The following PCDHGA11 variants were observed in gnomAD, a reference collection of about 807,000 sequenced individuals.
PCDHGA11 encodes the protein protocadherin gamma subfamily A, 11.
In PCDHGA11, 39 loss-of-function variants were observed where a neutral mutation model predicts 60.4. The ratio of observed to expected loss-of-function variants is 0.65; its 90% CI spans 0.50 to 0.84. The LOEUF (loss-of-function observed/expected upper bound fraction) is 0.84. PCDHGA11 is among the 40% of genes least tolerant of loss of function. PCDHGA11 has a pLI of 0.00. For synonymous variants in PCDHGA11, 533 were observed against 510.3 expected (o/e 1.04, Z -0.60); for missense variants, 1,165 against 1,197.7 (o/e 0.97, Z 0.40).
At chr5:141,478,740 C>T (rs2099474176) in intron 1 of PCDHGA11, 7 of 1,531,524 alleles carry the variant, frequency 4.6e-6, no homozygotes, top group Non-Finnish European at 6.2e-6. Flanking sequence ...GGTTTGTGGT[C>T]CCATTTCAGG....
At chr5:141,467,273 G>T (rs879618653) in intron 1 of PCDHGA11, among the ~76,000 whole-genome samples, 1 of 151,828 alleles carries the variant, frequency 6.6e-6, no homozygotes, top group Admixed American at 6.6e-5. Context: ...GGCTGGTCTC[G>T]AACTCTTGAC....
rs371821042 is a variant in PCDHGA11, at chr5:141,421,764, T to C, written c.537T>C (p.Phe179=). The C allele has an allele frequency of 8.7e-6, 14 of 1,613,782 alleles. No individual in the cohort carries two copies. The African/African-American group carries it at 1.5e-4, about 17-fold the overall frequency. ...ACCAGCTCAGCCCTAATAATTACTT[T>C]TCCTTGCAACTGCGGGGCAGAACGG... ...QSYQLSPNNY[F]SLQLRGRTDG... Residue 179 remains phenylalanine, a synonymous_variant, in exon 1 of 4, where the codon TTT becomes TTC. Transcript: ENST00000398587.
In PCDHGA11 at chr5:141,431,814, T is replaced by C. The variant is rs1300319049; in HGVS notation, c.2433+8154T>C. 1 of 1,614,246 alleles carries C rather than the reference T, an allele frequency of 6.2e-7. No homozygotes were observed. Among genetic ancestry groups the C allele is most frequent in the Non-Finnish European group, 8.5e-7 (1 of 1,180,044 alleles). ...GCCCCAGAAGTGGTCCTCACCTCTC[T>C]CGCCAGCTCGGTTCCCGAAAACTCT... On this transcript the variant is annotated intron_variant, in intron 1 of 3. Coordinates refer to ENST00000398587, the MANE Select transcript of PCDHGA11 (RefSeq NM_018914.3). The surrounding 1 kb of genome is among the most constrained non-coding windows in gnomAD (Gnocchi z 4.8).
At position 141,493,262 on chromosome 5, in the gene PCDHGA11, A is replaced by G. The variant is rs148431133; in HGVS notation, c.2434-1545A>G. ...GGTACTAACATGCCTCTCTTATAAC[A>G]GCTTCACAGAGGTCAAGTGACTTGC... is the stretch of plus-strand genomic sequence containing the variant. On this transcript the variant is annotated intron_variant, in intron 1 of 3. Transcript: ENST00000398587. This position sits in a 1 kb window ranked among gnomAD's most constrained non-coding sequence, Gnocchi z 4.3. 5.1e-4 allele frequency among the ~76,000 whole-genome samples: 78 copies of G among 152,302 alleles called. No homozygotes were observed. Among genetic ancestry groups the G allele is most frequent in the African/African-American group, 1.7e-3 (72 of 41,574 alleles).
chr5:141,429,377 GTT>G (rs566693637), intron 1 of PCDHGA11, among the ~76,000 whole-genome samples: 7 of 149,436 alleles, frequency 4.7e-5, no homozygotes, highest in African/African-American at 1.7e-4. Flanking sequence ...GAGAAAATGT[GTT>G]TTTTTTTTAA....
At chr5:141,488,146 A>G (rs1458115635) in intron 1 of PCDHGA11, among the ~76,000 whole-genome samples, 2 of 152,164 alleles carry the variant, frequency 1.3e-5, no homozygotes, top group South Asian at 4.1e-4. Context: ...AACTAAAGGA[A>G]TAGAGAGGCA....
In PCDHGA11 at chr5:141,473,538, T is replaced by C. The variant is rs544537855; in HGVS notation, c.2434-21269T>C. Among the ~76,000 whole-genome samples, 58 of 152,328 alleles carry C rather than the reference T, an allele frequency of 3.8e-4. 1 individual carries two copies. Among genetic ancestry groups the C allele is most frequent in the African/African-American group, 1.3e-3 (55 of 41,576 alleles). Reference sequence around the variant, plus strand: ...AAGGATCCTGGTTTTAACTGGGGCCTAATGGAAGACCTCTATTAGGAAATA... The same window carrying C: ...AAGGATCCTGGTTTTAACTGGGGCCCAATGGAAGACCTCTATTAGGAAATA... On this transcript the variant is annotated intron_variant, in intron 1 of 3. Coordinates refer to ENST00000398587, the MANE Select transcript of PCDHGA11 (RefSeq NM_018914.3).
chr5:141,438,288 G>C (rs752722248), intron 1 of PCDHGA11, among the ~76,000 whole-genome samples: 18 of 151,902 alleles, frequency 1.2e-4, no homozygotes, highest in Non-Finnish European at 2.1e-4. Flanking sequence ...AATTTAATCT[G>C]TATGTAAAAG....
Position 141,423,090 on chromosome 5 carries a change from G to T in PCDHGA11, c.1863G>T (p.Gly621=). Residue 621 remains glycine (G), a synonymous_variant, in exon 1 of 4, where the codon GGG becomes GGT. Coordinates refer to ENST00000398587, the MANE Select transcript of PCDHGA11 (RefSeq NM_018914.3). ...GCGAGCCGGGACTCTTCGCGGTGGG[G>T]GAGCACACGGGCGAGGTGCGTACAG... ...KASEPGLFAV[G]EHTGEVRTAR... is the part of the protein sequence containing the mutation. 5 of 1,614,022 alleles carry T rather than the reference G, an allele frequency of 3.1e-6. No homozygotes were observed. The highest frequency in any genetic ancestry group is 2.2e-5 in the South Asian group (2 of 91,082).
At position 141,476,973 on chromosome 5, in the gene PCDHGA11, A is replaced by C. The variant is rs1205314116; in HGVS notation, c.2434-17834A>C. Reference sequence around the variant, plus strand: ...GAAATTATTTACTCCTTCGGCAGCCACAACCGCGCCGGCGTGCGGCAACTA... The same window carrying C: ...GAAATTATTTACTCCTTCGGCAGCCCCAACCGCGCCGGCGTGCGGCAACTA... On this transcript the variant is annotated intron_variant, in intron 1 of 3. Coordinates refer to ENST00000398587, the MANE Select transcript of PCDHGA11 (RefSeq NM_018914.3). The surrounding 1 kb of genome is among the most constrained non-coding windows in gnomAD (Gnocchi z 7.6). 6.2e-7 allele frequency: 1 copy of C among 1,614,230 alleles called. No homozygotes were observed. The highest frequency in any genetic ancestry group is 2.2e-5 in the East Asian group (1 of 44,884).
chr5:141,486,211 T>C lies in PCDHGA11; in HGVS notation c.2434-8596T>C, dbSNP rs779905477. On this transcript the variant is annotated intron_variant, in intron 1 of 3. Coordinates refer to ENST00000398587, the MANE Select transcript of PCDHGA11 (RefSeq NM_018914.3). The surrounding 1 kb of genome is among the most constrained non-coding windows in gnomAD (Gnocchi z 5.0). ...TGGATCTGCTGGACGTAAATGACAA[T>C]GCCCCTTACATCACAGTGACCTCAG... 6.2e-7 allele frequency: 1 copy of C among 1,614,142 alleles called. No homozygotes were observed. Among genetic ancestry groups the C allele is most frequent in the Non-Finnish European group, 8.5e-7 (1 of 1,180,024 alleles).
rs779065098 is a variant in PCDHGA11, at chr5:141,491,758, C to G, written c.2434-3049C>G. The G allele has an allele frequency of 1.9e-6, 3 of 1,578,788 alleles. No individual in the cohort carries two copies. The highest frequency in any genetic ancestry group is 1.7e-4 in the Middle Eastern group (1 of 5,954). ...TGGGGGCGGCACTGGAGAAGCCGCCCGTCCTCATAAGGGATTGAACTTGCA... is the reference window on the plus strand; with the variant it reads ...TGGGGGCGGCACTGGAGAAGCCGCCGGTCCTCATAAGGGATTGAACTTGCA... On this transcript the variant is annotated intron_variant, in intron 1 of 3. Transcript: ENST00000398587. This position sits in a 1 kb window ranked among gnomAD's most constrained non-coding sequence, Gnocchi z 6.9.
rs376773009 is a variant in PCDHGA11, at chr5:141,511,838, C to T, written c.*665C>T. 64 of 156,854 alleles carry T rather than the reference C, an allele frequency of 4.1e-4. No homozygotes were observed. Among genetic ancestry groups the T allele is most frequent in the Non-Finnish European group, 6.8e-4 (48 of 70,726 alleles). The allele number at this position is 156,854 out of a possible 1,614,324, so 9.7% of individuals were successfully genotyped here. A position where few individuals can be genotyped will look rare whatever the true frequency, so the allele number is the denominator to read the frequency against. ...TCTTCCCAACGCCCTGGGGACCAGTCTTCTGTTTTGTTTTTCATTGTTTGA... is the reference window on the plus strand; with the variant it reads ...TCTTCCCAACGCCCTGGGGACCAGTTTTCTGTTTTGTTTTTCATTGTTTGA... On this transcript the variant is annotated 3_prime_UTR_variant, in exon 4 of 4. Transcript: ENST00000398587.
At chr5:141,478,513 G>A in intron 1 of PCDHGA11, 1 of 1,611,520 alleles carries the variant, frequency 6.2e-7, no homozygotes. Context: ...TCTATAGGCA[G>A]GTGTTGGGTG....
In PCDHGA11 at chr5:141,432,545, A is replaced by G; in HGVS notation, c.2433+8885A>G. Reference sequence around the variant, plus strand: ...GGTGACCAAGGTGGTGGCGGTGGACAGAGACTCCGGCCAGAACGCCTGGCT... The same window carrying G: ...GGTGACCAAGGTGGTGGCGGTGGACGGAGACTCCGGCCAGAACGCCTGGCT... On this transcript the variant is annotated intron_variant, in intron 1 of 3. Coordinates refer to ENST00000398587, the MANE Select transcript of PCDHGA11 (RefSeq NM_018914.3). This position sits in a 1 kb window ranked among gnomAD's most constrained non-coding sequence, Gnocchi z 6.0. The G allele has an allele frequency of 1.2e-6, 2 of 1,613,876 alleles. No homozygotes were observed. Among genetic ancestry groups the G allele is most frequent in the Non-Finnish European group, 1.7e-6 (2 of 1,179,984 alleles).
At chr5:141,427,999 T>C (rs1319115693) in intron 1 of PCDHGA11, 9 of 1,601,068 alleles carry the variant, frequency 5.6e-6, no homozygotes, top group African/African-American at 1.3e-5. Context: ...GGCTCCGCAC[T>C]CTTCGATATA....
At position 141,491,651 on chromosome 5, in the gene PCDHGA11, A is replaced by G. The variant is rs1379494110; in HGVS notation, c.2434-3156A>G. 1.9e-6 allele frequency: 3 copies of G among 1,613,796 alleles called. 1 individual carries two copies. ...CAGCAGCCCACAGCTCTGGCGCTGGAGCCTGACGCCATCCGGTCCCGCTCT... is the reference window on the plus strand; with the variant it reads ...CAGCAGCCCACAGCTCTGGCGCTGGGGCCTGACGCCATCCGGTCCCGCTCT... On this transcript the variant is annotated intron_variant, in intron 1 of 3. Coordinates refer to ENST00000398587, the MANE Select transcript of PCDHGA11 (RefSeq NM_018914.3). The surrounding 1 kb of genome is among the most constrained non-coding windows in gnomAD (Gnocchi z 6.9).
At chr5:141,464,422 TATAG>T (rs2099083887) in intron 1 of PCDHGA11, among the ~76,000 whole-genome samples, 1 of 151,672 alleles carries the variant, frequency 6.6e-6, no homozygotes, top group African/African-American at 2.4e-5. Context: ...TATCTATATA[TATAG>T]ATATATATGT....
intron 1 of PCDHGA11, among the ~76,000 whole-genome samples, chr5:141,446,315 G>A (rs556077331): frequency 6.6e-6 from 1 of 152,188 alleles, no homozygotes; most frequent in East Asian, 1.9e-4. Context: ...TGATTCCTGG[G>A]TTTCCACATT....
Sources: allele counts gnomAD v4.1 joint callset (sites outside exome capture counted in the v4.1 genomes callset), GRCh38; gene constraint gnomAD v4.1.1; non-coding constraint Gnocchi (gnomAD v3.1); transcripts MANE v1.5; gene names NCBI Gene and HGNC (gene_info 2026-07-23, HGNC 2026-07-21).